RIMBP2: variants seen among roughly 807,000 people sequenced by gnomAD.
The protein encoded by RIMBP2 is RIMS-binding protein 2.
A neutral mutation model predicts 118.6 loss-of-function variants in RIMBP2; 48 were observed. The observed-to-expected ratio is 0.40, with a 90% CI of 0.32 to 0.51. The LOEUF (loss-of-function observed/expected upper bound fraction) is 0.51. RIMBP2 is among the 20% of genes least tolerant of loss of function. The pLI is 0.41. For synonymous variants in RIMBP2, 762 were observed against 742.9 expected, an observed-to-expected ratio of 1.03 and a Z score of -0.42; for missense variants, 1,551 against 1,768.3, an observed-to-expected ratio of 0.88 and a Z score of 2.20.
chr12:130,506,031 G>T (rs189296447), intron 4 of RIMBP2, among the ~76,000 whole-genome samples: 1 of 136,120 alleles, frequency 7.3e-6, no homozygotes, highest in East Asian at 2.0e-4. Flanking sequence ...TAGAACTGGA[G>T]ATGATTATTT....
At chr12:130,638,434 C>T (rs1036996014) in intron 1 of RIMBP2, among the ~76,000 whole-genome samples, 8 of 152,318 alleles carry the variant, frequency 5.3e-5, no homozygotes, top group South Asian at 2.1e-4. Flanking sequence ...CCCCGAGCTG[C>T]GGGCTAGTAA....
In RIMBP2 at chr12:130,414,231, G is replaced by A. The variant is rs372937244; in HGVS notation, c.3314C>T (p.Pro1105Leu). Residue 1105 changes from proline to leucine, a missense_variant, in exon 18 of 23, where the codon CCG (proline) becomes CTG (leucine). Transcript: ENST00000690449. Reference sequence around the variant, plus strand: ...AAAGAGAGCCACAAAGATCCGGGCCGGGAGCTCTTCGGCACCAGGGTCAGT... The same window carrying A: ...AAAGAGAGCCACAAAGATCCGGGCCAGGAGCTCTTCGGCACCAGGGTCAGT... ...SETDPGAEEL[P>L]ARIFVALFDY... 6.6e-5 allele frequency: 107 copies of A among 1,613,942 alleles called. No homozygotes were observed. Among genetic ancestry groups the A allele is most frequent in the African/African-American group, 9.3e-5 (7 of 74,912 alleles).
In RIMBP2 at chr12:130,688,576, C is replaced by T. The variant is rs1245946077; in HGVS notation, c.-352+27646G>A. 2.0e-5 allele frequency among the ~76,000 whole-genome samples: 3 copies of T among 151,860 alleles called. No individual in the cohort carries two copies. Among genetic ancestry groups the T allele is most frequent in the East Asian group, 3.9e-4 (2 of 5,158 alleles). ...ATCCGTTACCCCCTGTCAGTTACCCCGGGTGACCCTTAGGACTCTGAGCAC... is the reference window on the plus strand; with the variant it reads ...ATCCGTTACCCCCTGTCAGTTACCCTGGGTGACCCTTAGGACTCTGAGCAC... On this transcript the variant is annotated intron_variant, in intron 1 of 22. Coordinates refer to ENST00000690449, the MANE Select transcript of RIMBP2 (RefSeq NM_001393629.1). This position sits in a 1 kb window ranked among gnomAD's most constrained non-coding sequence, Gnocchi z 4.7.
intron 1 of RIMBP2, among the ~76,000 whole-genome samples, chr12:130,661,283 C>T (rs1195902964): frequency 6.6e-6 from 1 of 152,130 alleles, no homozygotes; most frequent in Non-Finnish European, 1.5e-5. Context: ...CTTAGCCAAT[C>T]GGAGGGTATC....
At chr12:130,410,517 T>A (rs2075629673) in intron 19 of RIMBP2, among the ~76,000 whole-genome samples, 2 of 152,248 alleles carry the variant, frequency 1.3e-5, no homozygotes, top group Admixed American at 1.3e-4. Context: ...GAAACTATGA[T>A]CCATTTTTAT....
intron 1 of RIMBP2, among the ~76,000 whole-genome samples, chr12:130,652,254 T>C (rs2063258930): frequency 6.6e-6 from 1 of 152,242 alleles, no homozygotes; most frequent in Admixed American, 6.5e-5. Context: ...GAAGTTTTGT[T>C]GGAACACAGC....
chr12:130,702,014 G>T (rs1321295299), intron 1 of RIMBP2, among the ~76,000 whole-genome samples: 1 of 152,090 alleles, frequency 6.6e-6, no homozygotes, highest in East Asian at 1.9e-4. Context: ...TGTGGATGTT[G>T]CTCCCTGTGG....
chr12:130,611,687 T>C (rs942427440), intron 2 of RIMBP2, among the ~76,000 whole-genome samples: 4 of 152,032 alleles, frequency 2.6e-5, no homozygotes, highest in African/African-American at 9.7e-5. Flanking sequence ...ACAGCTCGTG[T>C]CCCGCCCCGG....
intron 4 of RIMBP2, among the ~76,000 whole-genome samples, chr12:130,487,579 C>A (rs929984401): frequency 6.6e-6 from 1 of 152,188 alleles, no homozygotes; most frequent in African/African-American, 2.4e-5. Context: ...GAGATAAATT[C>A]GCTTCTTTTC....
chr12:130,606,576 G>GA (rs1359350058), intron 2 of RIMBP2, among the ~76,000 whole-genome samples: 1 of 152,154 alleles, frequency 6.6e-6, no homozygotes, highest in African/African-American at 2.4e-5. Context: ...AGTGTCTCTT[G>GA]GGATTCACCA....
chr12:130,453,732 C>T (rs1447232715), intron 7 of RIMBP2, among the ~76,000 whole-genome samples: 1 of 152,176 alleles, frequency 6.6e-6, no homozygotes, highest in Non-Finnish European at 1.5e-5. Flanking sequence ...TTGGGGATCT[C>T]CTACACATAA....
rs377757246 is a variant in RIMBP2, at chr12:130,591,627, G to A, written c.-217+36695C>T. On this transcript the variant is annotated intron_variant, in intron 2 of 22. Transcript: ENST00000690449. ...CCCCTTCCAGCTTCTGGGGGCTGTC[G>A]GCAATCCAGCCTCCGCCCTGACCCT... 5.9e-5 allele frequency among the ~76,000 whole-genome samples: 9 copies of A among 152,246 alleles called. No homozygotes were observed. In the East Asian group the frequency reaches 9.7e-4, roughly 16 times the overall value.
At chr12:130,459,712 A>C (rs2079804494) in intron 6 of RIMBP2, among the ~76,000 whole-genome samples, 1 of 152,006 alleles carries the variant, frequency 6.6e-6, no homozygotes, top group Non-Finnish European at 1.5e-5. Flanking sequence ...AGGTCGTCGC[A>C]ATACAGAGGG....
At chr12:130,486,712 A>G (rs1471285208) in intron 4 of RIMBP2, among the ~76,000 whole-genome samples, 1 of 46,596 alleles carries the variant, frequency 2.1e-5, no homozygotes, top group Non-Finnish European at 4.0e-5. Context: ...GATCTTTGAG[A>G]AAAAAAAAAA....
intron 4 of RIMBP2, among the ~76,000 whole-genome samples, chr12:130,484,188 G>C (rs12578841): frequency 6.6e-6 from 1 of 152,172 alleles, no homozygotes; most frequent in African/African-American, 2.4e-5. Context: ...AAAGCCCCTC[G>C]GTGGGGAGTA....
intron 4 of RIMBP2, among the ~76,000 whole-genome samples, chr12:130,487,117 C>A (rs1409870947): frequency 6.6e-6 from 1 of 152,244 alleles, no homozygotes; most frequent in African/African-American, 2.4e-5. Flanking sequence ...ACACTGGCTT[C>A]GCTCAGTTCC....
intron 2 of RIMBP2, among the ~76,000 whole-genome samples, chr12:130,591,988 C>T (rs922170787): frequency 3.3e-5 from 5 of 152,316 alleles, no homozygotes; most frequent in East Asian, 1.9e-4. Context: ...GTCAGAGAGG[C>T]GTGGAGGAGG....
chr12:130,476,230 T>C (rs1472388949), intron 5 of RIMBP2, among the ~76,000 whole-genome samples: 1 of 152,032 alleles, frequency 6.6e-6, no homozygotes, highest in Non-Finnish European at 1.5e-5. Flanking sequence ...CATGCATGGG[T>C]GACACTAACA....
chr12:130,708,714 C>T (rs1195863086), intron 1 of RIMBP2, among the ~76,000 whole-genome samples: 1 of 152,138 alleles, frequency 6.6e-6, no homozygotes, highest in Non-Finnish European at 1.5e-5. Flanking sequence ...AATAAAGCTG[C>T]TTTGAAAATA....
Sources: allele counts gnomAD v4.1 joint callset (sites outside exome capture counted in the v4.1 genomes callset), GRCh38; gene constraint gnomAD v4.1.1; non-coding constraint Gnocchi (gnomAD v3.1); transcripts MANE v1.5; gene names NCBI Gene and HGNC (gene_info 2026-07-23, HGNC 2026-07-21).